Variants in GTF2A1L observed in about 807,000 individuals in gnomAD.
The protein encoded by GTF2A1L is general transcription factor IIA subunit 1 like, also known as TFIIA-alpha and beta-like factor.
A neutral mutation model predicts 49.7 loss-of-function variants in GTF2A1L; 48 were observed. The ratio of observed to expected loss-of-function variants is 0.97; its 90% CI spans 0.77 to 1.23. The LOEUF (loss-of-function observed/expected upper bound fraction) is 1.23, where lower values mean the gene tolerates loss of function less well. Ranked by LOEUF, GTF2A1L falls within the 50% of genes most tolerant of loss-of-function variation. The pLI is 0.00. For missense variants in GTF2A1L, 736 were observed against 564.8 expected (o/e 1.30, Z -3.07); for synonymous variants, 246 against 193.5 (o/e 1.27, Z -2.25).
chr2:48,675,444 C>G (rs184326147), intron 8 of GTF2A1L, among the ~76,000 whole-genome samples: 2 of 151,864 alleles, frequency 1.3e-5, no homozygotes, highest in Non-Finnish European at 2.9e-5. Flanking sequence ...TAGAGATTAA[C>G]AATTGGGGGG....
intron 3 of GTF2A1L, among the ~76,000 whole-genome samples, chr2:48,633,571 T>G (rs1676706497): frequency 6.6e-6 from 1 of 152,226 alleles, no homozygotes; most frequent in East Asian, 1.9e-4. Flanking sequence ...TACGGTCAAT[T>G]GTGGAGTATG....
chr2:48,665,355 C>T (rs1039785373), intron 6 of GTF2A1L, among the ~76,000 whole-genome samples: 1 of 147,034 alleles, frequency 6.8e-6, no homozygotes, highest in African/African-American at 2.5e-5. Flanking sequence ...TTCCTTCCTC[C>T]TGTTTACTTT....
At chr2:48,660,603 A>C (rs574410350) in intron 6 of GTF2A1L, among the ~76,000 whole-genome samples, 11 of 151,796 alleles carry the variant, frequency 7.2e-5, no homozygotes, top group Non-Finnish European at 1.3e-4. Context: ...TATTTCTGTA[A>C]AATTATTAAT....
chr2:48,670,031 T>C, intron 7 of GTF2A1L, 49 bp downstream of exon 7: 2 of 1,552,486 alleles, frequency 1.3e-6, no homozygotes, highest in African/African-American at 1.4e-5. Context: ...TTATAACATT[T>C]CTACTTTATT....
chr2:48,653,569 A>G (rs960109718), intron 6 of GTF2A1L, among the ~76,000 whole-genome samples: 3 of 152,236 alleles, frequency 2.0e-5, no homozygotes, highest in African/African-American at 7.2e-5. Flanking sequence ...ATGTATCAGT[A>G]TATTCCATTG....
intron 6 of GTF2A1L, among the ~76,000 whole-genome samples, chr2:48,662,750 G>T (rs1239131828): frequency 1.3e-5 from 2 of 151,514 alleles, no homozygotes; most frequent in African/African-American, 4.9e-5. Flanking sequence ...ACTTACTGGG[G>T]ATTCCTTGTA....
At position 48,669,987 on chromosome 2, in the gene GTF2A1L, G is replaced by T; in HGVS notation, c.1239+5G>T. 6.2e-7 allele frequency: 1 copy of T among 1,601,382 alleles called. No individual in the cohort carries two copies. The highest frequency in any genetic ancestry group is 1.1e-5 in the South Asian group (1 of 88,394). ...CAAGTAAACATTGTAGAAGAGGTGAGGATGACTTTTGAGCTGAGACTTCCT... is the reference window on the plus strand; with the variant it reads ...CAAGTAAACATTGTAGAAGAGGTGATGATGACTTTTGAGCTGAGACTTCCT... On this transcript the variant is annotated splice_donor_5th_base_variant and intron_variant, in intron 7 of 8. Coordinates refer to ENST00000403751, the MANE Select transcript of GTF2A1L (RefSeq NM_006872.5).
intron 3 of GTF2A1L, among the ~76,000 whole-genome samples, chr2:48,626,780 C>T (rs755359822): frequency 6.9e-6 from 1 of 144,214 alleles, no homozygotes; most frequent in Non-Finnish European, 1.6e-5. Context: ...CTCCATACTG[C>T]CCAGGCTGGT....
chr2:48,665,190 G>A (rs1021301103), intron 6 of GTF2A1L, among the ~76,000 whole-genome samples: 1 of 152,010 alleles, frequency 6.6e-6, no homozygotes, highest in Admixed American at 6.5e-5. Flanking sequence ...CTAAAGTGCT[G>A]GGATTACGGG....
intron 8 of GTF2A1L, among the ~76,000 whole-genome samples, chr2:48,674,877 C>G (rs1421178260): frequency 6.6e-6 from 1 of 151,790 alleles, no homozygotes; most frequent in Non-Finnish European, 1.5e-5. Context: ...ATCTGAGAAC[C>G]CTTCTACTTA....
rs768708991 is a variant in GTF2A1L at position 48,635,266 on chromosome 2, G to C, written c.248-7136G>C. Among the ~76,000 whole-genome samples the C allele has an allele frequency of 5.9e-5, 9 of 152,130 alleles. 1 individual carries two copies. The highest frequency in any genetic ancestry group is 1.3e-4 in the Non-Finnish European group (9 of 68,010). On this transcript the variant is annotated intron_variant, in intron 3 of 8. Coordinates refer to ENST00000403751, the MANE Select transcript of GTF2A1L (RefSeq NM_006872.5). ...GCACCAGGATCTCTGCACAGGAAGG[G>C]TGGAGTGGATCAGGCTGTTAATCAA...
intron 3 of GTF2A1L, 64 bp from the exon 4 acceptor site, chr2:48,642,338 A>C (rs956031561): frequency 7.1e-6 from 10 of 1,414,160 alleles, no homozygotes; most frequent in African/African-American, 1.4e-5. Flanking sequence ...AATAAGCTAT[A>C]TTTAGTGATT....
At chr2:48,659,128 G>T (rs1392800324) in intron 6 of GTF2A1L, among the ~76,000 whole-genome samples, 1 of 151,962 alleles carries the variant, frequency 6.6e-6, no homozygotes, top group African/African-American at 2.4e-5. Flanking sequence ...ATATATATTA[G>T]CAGTGTCCTT....
intron 8 of GTF2A1L, 39 bp from the exon 9 acceptor site, chr2:48,679,296 T>A: frequency 6.3e-7 from 1 of 1,596,402 alleles, no homozygotes; most frequent in Non-Finnish European, 8.5e-7. Context: ...TCCTTTAACT[T>A]GTAAAATTAA....
chr2:48,662,489 A>G (rs537002765), intron 6 of GTF2A1L, among the ~76,000 whole-genome samples: 19 of 152,168 alleles, frequency 1.2e-4, no homozygotes, highest in South Asian at 8.3e-4. Context: ...GTCTTAATTT[A>G]TCTTTCATTT....
At chr2:48,633,870 G>A (rs1056985139) in intron 3 of GTF2A1L, among the ~76,000 whole-genome samples, 1 of 141,076 alleles carries the variant, frequency 7.1e-6, no homozygotes, top group Non-Finnish European at 1.5e-5. Flanking sequence ...GGAATTGAAT[G>A]CTTATCATTA....
chr2:48,630,977 G>C (rs1163213470), intron 3 of GTF2A1L, among the ~76,000 whole-genome samples: 1 of 152,112 alleles, frequency 6.6e-6, no homozygotes, highest in East Asian at 1.9e-4. Context: ...AGCTTATTTA[G>C]TTGTGGTGAG....
At chr2:48,635,635 A>G (rs932953782) in intron 3 of GTF2A1L, among the ~76,000 whole-genome samples, 1 of 151,832 alleles carries the variant, frequency 6.6e-6, no homozygotes, top group East Asian at 1.9e-4. Context: ...TAATTCCAAT[A>G]CCTACTTCTG....
chr2:48,640,259 CT>C (rs1195678810), intron 3 of GTF2A1L, among the ~76,000 whole-genome samples: 3 of 152,284 alleles, frequency 2.0e-5, no homozygotes, highest in Non-Finnish European at 2.9e-5. Flanking sequence ...CATTACAGCA[CT>C]TTTCACAATA....
Sources: gnomAD v4.1 joint callset for allele counts (sites outside exome capture counted in the v4.1 genomes callset) on GRCh38, gnomAD v4.1.1 for gene constraint, MANE v1.5 for transcripts, NCBI Gene and HGNC (gene_info 2026-07-23, HGNC 2026-07-21) for gene names.